HSD3B2: variants seen among roughly 807,000 people sequenced by gnomAD.
HSD3B2 encodes the protein 3 beta-hydroxysteroid dehydrogenase/Delta 5-->4-isomerase type 2.
In HSD3B2, 8 loss-of-function variants were observed where a neutral mutation model predicts 9.9. The observed-to-expected ratio is 0.81, with a 90% confidence interval of 0.47 to 1.46. The LOEUF (loss-of-function observed/expected upper bound fraction) is 1.46. HSD3B2 is among the 40% of genes most tolerant of loss of function. The pLI, the probability that HSD3B2 is intolerant of heterozygous loss-of-function variation, is 0.00. For missense variants in HSD3B2, 410 were observed against 448.3 expected (o/e 0.91, Z 0.77); for synonymous variants, 221 against 184.5 (o/e 1.20, Z -1.60).
In HSD3B2 at chr1:119,415,388, C is replaced by G. The variant is rs6208; in HGVS notation, c.-32C>G. The G allele has an allele frequency of 6.2e-7, 1 of 1,612,548 alleles. No individual in the cohort carries two copies. The highest frequency in any genetic ancestry group is 8.5e-7 in the Non-Finnish European group (1 of 1,179,012). On this transcript the variant is annotated 5_prime_UTR_variant, in exon 2 of 4. Transcript: ENST00000369416. Reference sequence around the variant, plus strand: ...CTCTCCAGCATCTTCTGTTTCCTGGCAAGTGTTTCCTGCTACTTTGGATTG... The same window carrying G: ...CTCTCCAGCATCTTCTGTTTCCTGGGAAGTGTTTCCTGCTACTTTGGATTG...
At chr1:119,418,596 C>T (rs112511963) in intron 2 of HSD3B2, among the ~76,000 whole-genome samples, 4 of 151,168 alleles carry the variant, frequency 2.6e-5, no homozygotes, top group African/African-American at 9.7e-5. Flanking sequence ...TCCTACGCCA[C>T]AACTCTGCGT....
At chr1:119,420,294 T>C (rs1375195709) in intron 3 of HSD3B2, among the ~76,000 whole-genome samples, 2 of 152,104 alleles carry the variant, frequency 1.3e-5, no homozygotes, top group Non-Finnish European at 2.9e-5. Flanking sequence ...CACCCTCTGA[T>C]TCCCAGAGCC....
At chr1:119,417,606 G>A (rs1001190934) in intron 2 of HSD3B2, 15 of 152,188 alleles carry the variant, frequency 9.9e-5, no homozygotes, top group Admixed American at 9.2e-4. Flanking sequence ...TCTTGGAGTT[G>A]CCTGACAGTG....
Position 119,421,391 on chromosome 1 carries a change from G to GTA in HSD3B2, c.308-408_308-407dup, listed in dbSNP as rs1170102410. Among the ~76,000 whole-genome samples, 6 of 110,804 alleles carry GTA rather than the reference G, an allele frequency of 5.4e-5. No homozygotes were observed. The South Asian group carries it at 9.3e-4, about 17-fold the overall frequency. The allele number at this position is 110,804 out of a possible 152,430, so 72.7% of individuals were successfully genotyped here. ...AAAGTGTGTGTGTATATATATATAT[G>GTA]TATATATATATGTATATATATATAT... On this transcript the variant is annotated intron_variant, in intron 3 of 3. Transcript: ENST00000369416.
intron 2 of HSD3B2, among the ~76,000 whole-genome samples, chr1:119,418,630 C>CTATTATTAT (rs5777392): frequency 1.8e-4 from 22 of 123,864 alleles, no homozygotes; most frequent in East Asian, 1.6e-3. Flanking sequence ...ATTATTATTA[C>CTATTATTAT]TATTATTATT....
rs753224225 is a variant in HSD3B2, at chr1:119,422,356, T to A, written c.855T>A (p.Leu285=). ...TCCGCCTTGATTCCAGATGGAGCCT[T>A]CCTTTAACCCTGATGTACTGGATTG... is the stretch of plus-strand genomic sequence containing the variant. The part of the protein sequence containing the change: ...FGLRLDSRWS[L]PLTLMYWIGF... Residue 285 remains leucine (L), a synonymous_variant, in exon 4 of 4, where the codon CTT becomes CTA. Coordinates refer to ENST00000369416, the MANE Select transcript of HSD3B2 (RefSeq NM_000198.4). 10 of 1,614,142 alleles carry A rather than the reference T, an allele frequency of 6.2e-6. No individual in the cohort carries two copies. In the South Asian group the frequency reaches 1.1e-4, roughly 18 times the overall value.
In HSD3B2 at chr1:119,418,618, TTATTATTATTAC is replaced by T. The variant is rs1230822457; in HGVS notation, c.143-788_143-777del. On this transcript the variant is annotated intron_variant, in intron 2 of 3. Transcript: ENST00000369416. ...CCACAACTCTGCGTCTGTTTATCTT[TTATTATTATTAC>T]TATTATTATTATTATTATTATTATT... Among the ~76,000 whole-genome samples, 806 of 104,582 alleles carry T rather than the reference TTATTATTATTAC, an allele frequency of 7.7e-3. 12 individuals carry two copies. Among genetic ancestry groups the T allele is most frequent in the African/African-American group, 0.032 (766 of 23,840 alleles). 68.6% of individuals were successfully genotyped at this position (104,582 alleles called of 152,430 possible). A position where few individuals can be genotyped will look rare whatever the true frequency, so the allele number is the denominator to read the frequency against.
chr1:119,422,930 C>G lies in HSD3B2; in HGVS notation c.*310C>G, dbSNP rs1651937127. 4.1e-6 allele frequency: 2 copies of G among 491,496 alleles called. No homozygotes were observed. Among genetic ancestry groups the G allele is most frequent in the Admixed American group, 3.6e-5 (1 of 27,992 alleles). The allele number at this position is 491,496 out of a possible 1,614,324, so 30.4% of individuals were successfully genotyped here. On this transcript the variant is annotated 3_prime_UTR_variant, in exon 4 of 4. Coordinates refer to ENST00000369416, the MANE Select transcript of HSD3B2 (RefSeq NM_000198.4). ...AGGTTCTCTTTTGACTAATAGAGCTCCATTTCCCCTCTTAAATGAGAAAGC... is the reference window on the plus strand; with the variant it reads ...AGGTTCTCTTTTGACTAATAGAGCTGCATTTCCCCTCTTAAATGAGAAAGC...
Position 119,415,353 on chromosome 1 carries a change from A to G in HSD3B2, c.-67A>G. 2 of 1,560,326 alleles carry G rather than the reference A, an allele frequency of 1.3e-6. No homozygotes were observed. The highest frequency in any genetic ancestry group is 1.8e-6 in the Non-Finnish European group (2 of 1,132,800). Reference sequence around the variant, plus strand: ...TAGCCCTCTTCTGGGTCACGCTAGAATCAGATCTGCTCTCCAGCATCTTCT... The same window carrying G: ...TAGCCCTCTTCTGGGTCACGCTAGAGTCAGATCTGCTCTCCAGCATCTTCT... On this transcript the variant is annotated 5_prime_UTR_variant, in exon 2 of 4. Coordinates refer to ENST00000369416, the MANE Select transcript of HSD3B2 (RefSeq NM_000198.4).
chr1:119,419,256 C>A (rs1651793461), intron 2 of HSD3B2, among the ~76,000 whole-genome samples, 162 bp from the exon 3 acceptor site: 2 of 152,208 alleles, frequency 1.3e-5, no homozygotes, highest in South Asian at 4.1e-4. Context: ...ATGCTGATTT[C>A]TGTGCTTTTG....
Position 119,421,502 on chromosome 1 carries a change from T to C in HSD3B2, c.308-307T>C, listed in dbSNP as rs1161729612. 2.4e-5 allele frequency among the ~76,000 whole-genome samples: 3 copies of C among 125,038 alleles called. No individual in the cohort carries two copies. In the East Asian group the frequency reaches 6.4e-4, roughly 27 times the overall value. The allele number at this position is 125,038 out of a possible 152,430, so 82.0% of individuals were successfully genotyped here. On this transcript the variant is annotated intron_variant, in intron 3 of 3. Coordinates refer to ENST00000369416, the MANE Select transcript of HSD3B2 (RefSeq NM_000198.4). ...GTATATATATATTTTATAATATATA[T>C]ATATATATACACACACGTATACATA...
In HSD3B2 at chr1:119,419,462, C is replaced by A; in HGVS notation, c.187C>A (p.Leu63Met). 1.2e-6 allele frequency: 2 copies of A among 1,613,772 alleles called. No homozygotes were observed. Among genetic ancestry groups the A allele is most frequent in the Non-Finnish European group, 1.7e-6 (2 of 1,179,778 alleles). ...TKLTVLEGDI[L>M]DEPFLKRACQ... ...GCTGACTGTACTTGAAGGAGACATT[C>A]TGGATGAGCCATTCCTGAAAAGAGC... is the stretch of plus-strand genomic sequence containing the variant. The change falls in exon 3 of 4, where the codon CTG becomes ATG. Residue 63 changes from leucine to methionine, a missense_variant. Leu to Met is a conservative substitution (Grantham distance 15). Coordinates refer to ENST00000369416, the MANE Select transcript of HSD3B2 (RefSeq NM_000198.4).
rs775605483 is a variant in HSD3B2 at position 119,422,632 on chromosome 1, C to G, written c.*12C>G. Reference sequence around the variant, plus strand: ...CCAAGACTCAGTGATTTAAGGATGACAGAGATGTGCATGTGGGTATTGTTA... The same window carrying G: ...CCAAGACTCAGTGATTTAAGGATGAGAGAGATGTGCATGTGGGTATTGTTA... On this transcript the variant is annotated 3_prime_UTR_variant, in exon 4 of 4. Transcript: ENST00000369416. The G allele has an allele frequency of 1.2e-6, 2 of 1,613,244 alleles. No individual in the cohort carries two copies. The highest frequency in any genetic ancestry group is 1.7e-6 in the Non-Finnish European group (2 of 1,179,874).
intron 3 of HSD3B2, among the ~76,000 whole-genome samples, chr1:119,421,460 T>TATATATTTTATA (rs1651867790): frequency 3.4e-4 from 3 of 8,712 alleles, no homozygotes; most frequent in Non-Finnish European, 6.2e-4. Context: ...TATGTATATA[T>TATATATTTTATA]ATATGTATAT....
At position 119,421,443 on chromosome 1, in the gene HSD3B2, A is replaced by T. The variant is rs370925372; in HGVS notation, c.308-366A>T. ...TATATATATGTATATATATATATGT[A>T]TATATATATGTATATATATATGTAT... On this transcript the variant is annotated intron_variant, in intron 3 of 3. Transcript: ENST00000369416. 2.4e-4 allele frequency among the ~76,000 whole-genome samples: 22 copies of T among 91,204 alleles called. 1 individual carries two copies. The highest frequency in any genetic ancestry group is 1.5e-3 in the South Asian group (4 of 2,726). The allele number at this position is 91,204 out of a possible 152,430, so 59.8% of individuals were successfully genotyped here.
intron 3 of HSD3B2, chr1:119,419,815 T>G: frequency 3.7e-6 from 2 of 538,322 alleles, no homozygotes; most frequent in Non-Finnish European, 6.7e-6. Flanking sequence ...AGTAAGTAAG[T>G]AAGTAGGAGA....
intron 3 of HSD3B2, among the ~76,000 whole-genome samples, chr1:119,421,526 TACAC>T (rs750057057): frequency 1.5e-4 from 21 of 138,534 alleles, no homozygotes; most frequent in East Asian, 6.2e-4. Context: ...CACGTATACA[TACAC>T]ACACACACAC....
chr1:119,422,404 C>A lies in HSD3B2; in HGVS notation c.903C>A (p.Ser301Arg), dbSNP rs1243159832. ...TTGGCTTCCTGCTGGAAGTAGTGAG[C>A]TTCCTACTCAGCCCAATTTACTCCT... ...YWIGFLLEVV[S>R]FLLSPIYSYQ... The change falls in exon 4 of 4, where the codon AGC (serine) becomes AGA (arginine). Residue 301 changes from serine (S) to arginine (R), a missense_variant. Coordinates refer to ENST00000369416, the MANE Select transcript of HSD3B2 (RefSeq NM_000198.4). 24 of 1,614,040 alleles carry A rather than the reference C, an allele frequency of 1.5e-5. No individual in the cohort carries two copies. The highest frequency in any genetic ancestry group is 1.9e-5 in the Non-Finnish European group (23 of 1,180,016).
At position 119,422,897 on chromosome 1, in the gene HSD3B2, TTAAC is replaced by T. The variant is rs1207653249; in HGVS notation, c.*279_*282del. On this transcript the variant is annotated 3_prime_UTR_variant, in exon 4 of 4. Coordinates refer to ENST00000369416, the MANE Select transcript of HSD3B2 (RefSeq NM_000198.4). ...TGATTCTGAACAATTGTGGTCTCTCTTAACTTGAGGTTCTCTTTTGACTAATAGA... is the reference window on the plus strand; with the variant it reads ...TGATTCTGAACAATTGTGGTCTCTCTTTGAGGTTCTCTTTTGACTAATAGA... 1.8e-4 allele frequency: 95 copies of T among 538,004 alleles called. No homozygotes were observed. The highest frequency in any genetic ancestry group is 1.4e-3 in the African/African-American group (75 of 52,936). The allele number at this position is 538,004 out of a possible 1,614,324, so 33.3% of individuals were successfully genotyped here.
Sources: allele counts gnomAD v4.1 joint callset (sites outside exome capture counted in the v4.1 genomes callset), GRCh38; gene constraint gnomAD v4.1.1; transcripts MANE v1.5; gene names NCBI Gene and HGNC (gene_info 2026-07-23, HGNC 2026-07-21).